DENND2A: variants seen among roughly 807,000 people sequenced by gnomAD.
The protein encoded by DENND2A is DENN domain-containing protein 2A.
Under a neutral mutation model 105.3 loss-of-function variants are expected in DENND2A, and 53 were observed. The observed-to-expected ratio is 0.50, with a 90% CI of 0.40 to 0.63. DENND2A has a LOEUF of 0.63. Ranked by LOEUF, DENND2A falls within the 30% of genes least tolerant of loss-of-function variation. The pLI is 0.00. For synonymous variants in DENND2A, 522 were observed against 508.4 expected (o/e 1.03, Z -0.36); for missense variants, 1,138 against 1,279.6 (o/e 0.89, Z 1.69).
At chr7:140,629,187 A>G (rs1196003892) in intron 1 of DENND2A, among the ~76,000 whole-genome samples, 1 of 152,214 alleles carries the variant, frequency 6.6e-6, no homozygotes, top group Non-Finnish European at 1.5e-5. Flanking sequence ...GGCAGTATTC[A>G]AAATTAACCG....
At chr7:140,577,696 C>A (rs1039094833) in intron 5 of DENND2A, among the ~76,000 whole-genome samples, 4 of 152,146 alleles carry the variant, frequency 2.6e-5, no homozygotes, top group Admixed American at 1.3e-4. Context: ...CCGCGCCCAG[C>A]CAGCAAACCT....
intron 1 of DENND2A, among the ~76,000 whole-genome samples, chr7:140,625,006 C>A (rs1048289363): frequency 1.3e-5 from 2 of 149,804 alleles, no homozygotes; most frequent in Admixed American, 1.3e-4. Flanking sequence ...GACAGGCGTG[C>A]ACCACCACGC....
chr7:140,614,981 C>T (rs1800030281), intron 1 of DENND2A, among the ~76,000 whole-genome samples: 1 of 152,154 alleles, frequency 6.6e-6, no homozygotes, highest in Admixed American at 6.5e-5. Context: ...ACCTCAGCTC[C>T]CTACCGCCCC....
At chr7:140,579,660 C>T (rs1176987676) in intron 5 of DENND2A, among the ~76,000 whole-genome samples, 1 of 151,952 alleles carries the variant, frequency 6.6e-6, no homozygotes, top group Non-Finnish European at 1.5e-5. Flanking sequence ...CCCAAGATCA[C>T]AAATCTTTTA....
chr7:140,583,781 C>T (rs962762986), intron 5 of DENND2A, among the ~76,000 whole-genome samples: 1 of 148,890 alleles, frequency 6.7e-6, no homozygotes, highest in Admixed American at 6.6e-5. Flanking sequence ...AAAAAATTAG[C>T]CAGGCGTGGT....
rs995913855 is a variant in DENND2A, at chr7:140,523,729, C to A, written c.2548-305G>T. 6.6e-6 allele frequency among the ~76,000 whole-genome samples: 1 copy of A among 152,296 alleles called. No homozygotes were observed. The highest frequency in any genetic ancestry group is 2.1e-4 in the South Asian group (1 of 4,824). ...AGCTGGAACTACAGGCGCGTGCCAC[C>A]GCTCCTGGCTAATGTTTTGTATTTT... is the stretch of plus-strand genomic sequence containing the variant. On this transcript the variant is annotated intron_variant, in intron 16 of 19. Coordinates refer to ENST00000496613, the MANE Select transcript of DENND2A (RefSeq NM_015689.5). This position sits in a 1 kb window ranked among gnomAD's most constrained non-coding sequence, Gnocchi z 4.5.
chr7:140,541,768 G>T (rs185282758), intron 14 of DENND2A, among the ~76,000 whole-genome samples: 2 of 152,150 alleles, frequency 1.3e-5, no homozygotes, highest in African/African-American at 4.8e-5. Context: ...AAAGTGCACC[G>T]GGAGTACGAT....
rs1797464529 is a variant in DENND2A at position 140,558,299 on chromosome 7, A to G, written c.1890-87T>C. The G allele has an allele frequency of 9.5e-6, 10 of 1,052,646 alleles. No individual in the cohort carries two copies. In the Admixed American group the frequency reaches 1.7e-4, roughly 18 times the overall value. 65.2% of individuals were successfully genotyped at this position (1,052,646 alleles called of 1,614,324 possible). On this transcript the variant is annotated intron_variant, in intron 10 of 19. Transcript: ENST00000496613. ...TCTGCAGCAAGGGGTGGCAGTGAGC[A>G]GCCATGGGACACACTGCAGGAGGCT...
rs533942253 is a variant in DENND2A at position 140,551,309 on chromosome 7, A to C, written c.2037+4327T>G. Among the ~76,000 whole-genome samples the C allele has an allele frequency of 9.2e-5, 14 of 151,358 alleles. No individual in the cohort carries two copies. The South Asian group carries it at 2.9e-3, about 32-fold the overall frequency. Reference sequence around the variant, plus strand: ...AGCAAGACTCCATCTCAAAAAAAAAAAAAAAAAAAAAAAGAAAGGAAAAAG... The same window carrying C: ...AGCAAGACTCCATCTCAAAAAAAAACAAAAAAAAAAAAAGAAAGGAAAAAG... On this transcript the variant is annotated intron_variant, in intron 12 of 19. Coordinates refer to ENST00000496613, the MANE Select transcript of DENND2A (RefSeq NM_015689.5).
At chr7:140,539,457 G>A (rs1054527205) in intron 14 of DENND2A, among the ~76,000 whole-genome samples, 2 of 152,124 alleles carry the variant, frequency 1.3e-5, no homozygotes, top group East Asian at 1.9e-4. Flanking sequence ...AGCACAAAGC[G>A]GGTCCTGAGG....
chr7:140,538,660 C>A (rs1466566057), intron 14 of DENND2A, among the ~76,000 whole-genome samples: 2 of 151,824 alleles, frequency 1.3e-5, no homozygotes, highest in African/African-American at 4.8e-5. Context: ...GCGCCCGCCA[C>A]CATGCCCGCT....
At chr7:140,529,735 T>C (rs1056744457) in intron 14 of DENND2A, among the ~76,000 whole-genome samples, 4 of 151,664 alleles carry the variant, frequency 2.6e-5, no homozygotes, top group African/African-American at 4.9e-5. Context: ...TAGGTGGGAA[T>C]TGAACAAGGA....
chr7:140,551,125 A>C (rs1383994648), intron 12 of DENND2A, among the ~76,000 whole-genome samples: 1 of 151,366 alleles, frequency 6.6e-6, no homozygotes, highest in East Asian at 2.0e-4. Context: ...ACATGGTGAA[A>C]TCCCGTCTCT....
chr7:140,626,987 T>C (rs147820796), intron 1 of DENND2A, among the ~76,000 whole-genome samples: 68 of 152,294 alleles, frequency 4.5e-4, no homozygotes, highest in Middle Eastern at 6.8e-3. Flanking sequence ...TTCTAAGCCT[T>C]AGTTCTCGCC....
chr7:140,520,460 A>G (rs1585538065), intron 18 of DENND2A, among the ~76,000 whole-genome samples: 1 of 151,908 alleles, frequency 6.6e-6, no homozygotes, highest in Non-Finnish European at 1.5e-5. Flanking sequence ...GGATGGCTGG[A>G]TAGGCCATCT....
rs1437163772 is a variant in DENND2A, at chr7:140,570,141, C to T, written c.1447-403G>A. On this transcript the variant is annotated intron_variant, in intron 6 of 19. Transcript: ENST00000496613. ...AACTCCTGACCTCAGGTGATCCACC[C>T]ACCTTGGCCTCCCAAAATGCTGGGA... Among the ~76,000 whole-genome samples the T allele has an allele frequency of 4.6e-5, 7 of 152,142 alleles. No individual in the cohort carries two copies. The East Asian group carries it at 5.8e-4, about 13-fold the overall frequency.
chr7:140,562,179 C>A (rs530551874), intron 9 of DENND2A, among the ~76,000 whole-genome samples: 1 of 151,964 alleles, frequency 6.6e-6, no homozygotes, highest in Non-Finnish European at 1.5e-5. Flanking sequence ...TGAGCCACCG[C>A]GCCCGGCCCG....
intron 11 of DENND2A, 115 bp downstream of exon 11, chr7:140,558,022 TCTCCTC>T (rs1470354179): frequency 1.4e-6 from 1 of 739,070 alleles, no homozygotes; most frequent in African/African-American, 1.8e-5. Flanking sequence ...CCCTGCTCCT[TCTCCTC>T]CTGTGCCTCA....
chr7:140,520,566 T>C (rs1317290163), intron 18 of DENND2A, among the ~76,000 whole-genome samples: 4 of 143,030 alleles, frequency 2.8e-5, no homozygotes, highest in African/African-American at 1.1e-4. Flanking sequence ...TTTCCAGGGT[T>C]TTTTTTTTTT....
Sources: allele counts gnomAD v4.1 joint callset (sites outside exome capture counted in the v4.1 genomes callset), GRCh38; gene constraint gnomAD v4.1.1; non-coding constraint Gnocchi (gnomAD v3.1); transcripts MANE v1.5; gene names NCBI Gene and HGNC (gene_info 2026-07-23, HGNC 2026-07-21).